NRXN1: variants seen among roughly 807,000 people sequenced by gnomAD.
NRXN1 encodes the protein neurexin 1.
Under a neutral mutation model 150.9 loss-of-function variants are expected in NRXN1, and 39 were observed. That is an observed-to-expected ratio of 0.26 (90% CI 0.20 to 0.34). NRXN1 has a LOEUF of 0.34. NRXN1 is among the 10% of genes least tolerant of loss of function. The pLI, the probability that NRXN1 is intolerant of heterozygous loss-of-function variation, is 1.00. For synonymous variants in NRXN1, 924 were observed against 757.0 expected (o/e 1.22, Z -3.62); for missense variants, 1,815 against 1,949.9 (o/e 0.93, Z 1.30).
chr2:51,003,867 C>A (rs537163308), intron 2 of NRXN1, among the ~76,000 whole-genome samples: 5 of 152,010 alleles, frequency 3.3e-5, no homozygotes, highest in African/African-American at 1.2e-4. Flanking sequence ...AATAAAGTTG[C>A]CCTGGCTGAT....
In NRXN1 at chr2:50,642,808, G is replaced by A. The variant is rs543051253; in HGVS notation, c.833-19193C>T. Among the ~76,000 whole-genome samples the A allele has an allele frequency of 8.5e-5, 13 of 152,054 alleles. No individual in the cohort carries two copies. In the South Asian group the frequency reaches 2.5e-3, roughly 29 times the overall value. On this transcript the variant is annotated intron_variant, in intron 5 of 22. Transcript: ENST00000401669. Reference sequence around the variant, plus strand: ...ATAGGAGGAAATAGGGATGGGAATGGTCTATTACTAGACATTTTTATTCTT... The same window carrying A: ...ATAGGAGGAAATAGGGATGGGAATGATCTATTACTAGACATTTTTATTCTT...
intron 5 of NRXN1, among the ~76,000 whole-genome samples, chr2:50,890,223 G>T (rs188857351): frequency 6.6e-6 from 1 of 151,786 alleles, no homozygotes; most frequent in Admixed American, 6.6e-5. Flanking sequence ...GTGTCATCCA[G>T]CAGTGTCATT....
chr2:50,000,832 G>A (rs1683799073), intron 21 of NRXN1, among the ~76,000 whole-genome samples: 1 of 152,130 alleles, frequency 6.6e-6, no homozygotes. Context: ...AGCAAGGCAG[G>A]CTGGAGGTAC....
chr2:50,104,662 A>C (rs1456526032), intron 18 of NRXN1, among the ~76,000 whole-genome samples: 1 of 151,988 alleles, frequency 6.6e-6, no homozygotes, highest in Non-Finnish European at 1.5e-5. Context: ...TTTTCATTTA[A>C]ATGATGAGGA....
chr2:50,122,414 T>C (rs747599859), intron 18 of NRXN1, among the ~76,000 whole-genome samples: 20 of 152,334 alleles, frequency 1.3e-4, no homozygotes, highest in Admixed American at 6.5e-4. Flanking sequence ...ACTACTCTAA[T>C]TAACTCAAGC....
In NRXN1 at chr2:50,851,138, T is replaced by C. The variant is rs1005186433; in HGVS notation, c.832+70731A>G. On this transcript the variant is annotated intron_variant, in intron 5 of 22. Transcript: ENST00000401669. ...AGATAAAAATACATGCAATGAATAA[T>C]TGAGGGAGAAGAGTCACCATGCAGT... Among the ~76,000 whole-genome samples, 13 of 152,052 alleles carry C rather than the reference T, an allele frequency of 8.5e-5. 1 individual carries two copies. Among genetic ancestry groups the C allele is most frequent in the Admixed American group, 8.5e-4 (13 of 15,268 alleles).
chr2:50,754,477 G>A (rs772590975), intron 5 of NRXN1, among the ~76,000 whole-genome samples: 1 of 151,578 alleles, frequency 6.6e-6, no homozygotes, highest in African/African-American at 2.4e-5. Context: ...AAAATATTAC[G>A]GAATGTAAAT....
At chr2:49,973,615 GCACACACACA>G (rs34492177) in intron 21 of NRXN1, among the ~76,000 whole-genome samples, 1 of 147,964 alleles carries the variant, frequency 6.8e-6, no homozygotes, top group African/African-American at 2.5e-5. Context: ...ACATACATAT[GCACACACACA>G]CACACACACA....
Position 50,691,717 on chromosome 2 carries a change from C to T in NRXN1, c.833-68102G>A, listed in dbSNP as rs540710385. 5.9e-5 allele frequency among the ~76,000 whole-genome samples: 9 copies of T among 152,078 alleles called. No individual in the cohort carries two copies. The South Asian group carries it at 1.0e-3, about 18-fold the overall frequency. The stretch of plus-strand genomic sequence containing the variant: ...CCGTTCCTTTTAGGACTCTTGCCCT[C>T]GCCACATATCACCAGATCTCTTTAG... On this transcript the variant is annotated intron_variant, in intron 5 of 22. Coordinates refer to ENST00000401669, the MANE Select transcript of NRXN1 (RefSeq NM_001330078.2).
At chr2:50,043,152 TC>T (rs2152594548) in intron 21 of NRXN1, among the ~76,000 whole-genome samples, 1 of 152,192 alleles carries the variant, frequency 6.6e-6, no homozygotes, top group South Asian at 2.1e-4. Context: ...TGAATCAAAT[TC>T]CCAAACAATG....
chr2:50,114,207 T>A (rs566094759), intron 18 of NRXN1, among the ~76,000 whole-genome samples: 6 of 152,060 alleles, frequency 3.9e-5, no homozygotes, highest in Non-Finnish European at 7.4e-5. Flanking sequence ...GGGCAAAATA[T>A]CTGAAATTAC....
At chr2:50,416,249 G>T (rs1043872053) in intron 17 of NRXN1, among the ~76,000 whole-genome samples, 2 of 152,054 alleles carry the variant, frequency 1.3e-5, no homozygotes, top group Non-Finnish European at 1.5e-5. Context: ...TGTTAATAGG[G>T]TAAGAAAGGC....
intron 18 of NRXN1, among the ~76,000 whole-genome samples, chr2:50,171,049 A>G (rs1312756212): frequency 6.6e-6 from 1 of 152,220 alleles, no homozygotes; most frequent in Non-Finnish European, 1.5e-5. Context: ...TAAAGAAAAT[A>G]CATTGACTTC....
chr2:50,066,296 A>C (rs1466896919), intron 19 of NRXN1, among the ~76,000 whole-genome samples: 1 of 152,220 alleles, frequency 6.6e-6, no homozygotes, highest in Non-Finnish European at 1.5e-5. Flanking sequence ...TTGTCTAGGG[A>C]GTCAAGGGGA....
At chr2:51,029,790 A>G (rs930200799) in intron 1 of NRXN1, among the ~76,000 whole-genome samples, 1 of 152,230 alleles carries the variant, frequency 6.6e-6, no homozygotes, top group African/African-American at 2.4e-5. Context: ...AAAGAAAACC[A>G]CTAATTGGAG....
chr2:50,947,699 G>C (rs1201581790), intron 2 of NRXN1, among the ~76,000 whole-genome samples: 1 of 151,918 alleles, frequency 6.6e-6, no homozygotes, highest in Non-Finnish European at 1.5e-5. Context: ...CAGAGGAATA[G>C]GGCACTCCTG....
At chr2:50,877,781 G>T (rs1678825831) in intron 5 of NRXN1, among the ~76,000 whole-genome samples, 1 of 151,888 alleles carries the variant, frequency 6.6e-6, no homozygotes, top group Non-Finnish European at 1.5e-5. Context: ...GTAACTTGTT[G>T]CAGGGTTAGC....
intron 17 of NRXN1, among the ~76,000 whole-genome samples, chr2:50,445,370 AG>A (rs2086309120): frequency 6.6e-6 from 1 of 152,254 alleles, no homozygotes; most frequent in South Asian, 2.1e-4. Flanking sequence ...AAATGTAGAT[AG>A]TCAATAGCTT....
intron 9 of NRXN1, among the ~76,000 whole-genome samples, chr2:50,551,077 G>GAAGAAGAAGAAGAAGAAGAAGAAGAA (rs1553775815): frequency 9.5e-5 from 5 of 52,388 alleles, no homozygotes; most frequent in African/African-American, 5.2e-4. Context: ...AAGAAGAAGA[G>GAAGAAGAAGAAGAAGAAGAAGAAGAA]GAGGAGGAGG....
Sources: gnomAD v4.1 joint callset for allele counts (sites outside exome capture counted in the v4.1 genomes callset) on GRCh38, gnomAD v4.1.1 for gene constraint, MANE v1.5 for transcripts, NCBI Gene and HGNC (gene_info 2026-07-23, HGNC 2026-07-21) for gene names.